Variants in PCDHA3 observed in about 807,000 individuals in gnomAD.
PCDHA3 encodes protocadherin alpha 3, also known as protocadherin alpha-3.
In PCDHA3, 41 loss-of-function variants were observed where a neutral mutation model predicts 62.2. The observed-to-expected ratio is 0.66, with a 90% CI of 0.51 to 0.86. The LOEUF is 0.86. PCDHA3 is among the 40% of genes least tolerant of loss of function. The pLI is 0.00. For missense variants in PCDHA3, 1,304 were observed against 1,241.2 expected, an observed-to-expected ratio of 1.05 and a Z score of -0.76; for synonymous variants, 640 against 555.4, an observed-to-expected ratio of 1.15 and a Z score of -2.14.
intron 1 of PCDHA3, among the ~76,000 whole-genome samples, chr5:140,925,071 C>T (rs1554202476): frequency 6.8e-6 from 1 of 148,058 alleles, no homozygotes; most frequent in Non-Finnish European, 1.5e-5. Context: ...CAAAGCAACA[C>T]GCTCATCTGG....
chr5:140,902,044 A>AT (rs1222362795), intron 1 of PCDHA3, among the ~76,000 whole-genome samples: 6 of 152,016 alleles, frequency 3.9e-5, no homozygotes, highest in Non-Finnish European at 5.9e-5. Flanking sequence ...TTGTATGTTG[A>AT]TTTTGTATCC....
chr5:140,809,107 G>C (rs1333130927), intron 1 of PCDHA3: 1 of 1,613,952 alleles, frequency 6.2e-7, no homozygotes, highest in Non-Finnish European at 8.5e-7. Context: ...TGGACGAAAC[G>C]GACGCTCCGC....
chr5:140,896,540 T>C (rs1372765271), intron 1 of PCDHA3, among the ~76,000 whole-genome samples: 1 of 151,560 alleles, frequency 6.6e-6, no homozygotes, highest in Non-Finnish European at 1.5e-5. Flanking sequence ...ATTTTTCTTT[T>C]TTTTTTTTGT....
intron 1 of PCDHA3, among the ~76,000 whole-genome samples, chr5:140,895,640 T>G (rs1554186577): frequency 6.6e-6 from 1 of 152,220 alleles, no homozygotes; most frequent in Non-Finnish European, 1.5e-5. Flanking sequence ...ACATTCTTTT[T>G]TAGCTCCCAC....
chr5:140,967,487 G>C, intron 1 of PCDHA3: 8 of 1,613,290 alleles, frequency 5.0e-6, no homozygotes, highest in Non-Finnish European at 6.8e-6. Context: ...CTCGGGTACG[G>C]CACAGATCTC....
rs1763138545 is a variant in PCDHA3 at position 140,803,181 on chromosome 5, ACGGCCACTGTG to A, written c.1986_1996del (p.Ala663GlyfsTer107). ...CCACGGTGAACCCTCATTGACCGCCACGGCCACTGTGCTGGTGTCGCTGGTGGAGAGTGGCC... is the reference window on the plus strand; with the variant it reads ...CCACGGTGAACCCTCATTGACCGCCACTGGTGTCGCTGGTGGAGAGTGGCC... On this transcript the variant is annotated frameshift_variant, in exon 1 of 4. Coordinates refer to ENST00000522353, the MANE Select transcript of PCDHA3 (RefSeq NM_018906.3). LOFTEE classifies it high-confidence loss of function. 6.2e-7 allele frequency: 1 copy of A among 1,613,782 alleles called. No homozygotes were observed. The highest frequency in any genetic ancestry group is 1.3e-5 in the African/African-American group (1 of 74,936).
chr5:140,849,155 C>G (rs1169680334), intron 1 of PCDHA3: 5 of 1,223,436 alleles, frequency 4.1e-6, no homozygotes, highest in Non-Finnish European at 4.5e-6. Context: ...GAGGCAAACC[C>G]GAGCTGACTG....
rs2098423382 is a variant in PCDHA3, at chr5:141,012,241, T to C, written c.*2304T>C. On this transcript the variant is annotated 3_prime_UTR_variant, in exon 4 of 4. Coordinates refer to ENST00000522353, the MANE Select transcript of PCDHA3 (RefSeq NM_018906.3). ...GTGCTTTCCAATCCATGTTAGTTAC[T>C]AGTTATTACAGCTGTAAGGATAAAA... 6.5e-6 allele frequency: 1 copy of C among 153,802 alleles called. No homozygotes were observed. The highest frequency in any genetic ancestry group is 6.5e-5 in the Admixed American group (1 of 15,284). The allele number at this position is 153,802 out of a possible 1,614,324, so 9.5% of individuals were successfully genotyped here.
At chr5:140,901,311 C>T (rs1242541248) in intron 1 of PCDHA3, among the ~76,000 whole-genome samples, 3 of 152,052 alleles carry the variant, frequency 2.0e-5, no homozygotes, top group Non-Finnish European at 4.4e-5. Context: ...GGAGAGTTTC[C>T]CCAATGTTTT....
At chr5:140,987,275 CTA>C (rs1554249023) in intron 3 of PCDHA3, among the ~76,000 whole-genome samples, 1 of 151,726 alleles carries the variant, frequency 6.6e-6, no homozygotes, top group Non-Finnish European at 1.5e-5. Context: ...ACCCGGCAGT[CTA>C]TGTTTTAACA....
chr5:140,860,055 A>G (rs1466399941), intron 1 of PCDHA3: 6 of 151,228 alleles, frequency 4.0e-5, no homozygotes, highest in African/African-American at 1.2e-4. Context: ...TTGAGAGGCC[A>G]AGGTGGGAGG....
intron 1 of PCDHA3, chr5:140,966,770 G>C: frequency 2.0e-6 from 3 of 1,500,088 alleles, no homozygotes; most frequent in Non-Finnish European, 2.7e-6. Flanking sequence ...AGTGGCTATG[G>C]AGCAGGCGGG....
intron 1 of PCDHA3, chr5:140,871,406 T>C (rs1406444669): frequency 1.2e-6 from 2 of 1,614,032 alleles, no homozygotes; most frequent in Non-Finnish European, 1.7e-6. Flanking sequence ...AAGACGGACC[T>C]CATGGCCTTC....
At chr5:140,871,376 G>C in intron 1 of PCDHA3, 1 of 1,614,196 alleles carries the variant, frequency 6.2e-7, no homozygotes, top group Non-Finnish European at 8.5e-7. Flanking sequence ...CAGAGGGTGT[G>C]CTCTGAGGAG....
At position 140,869,199 on chromosome 5, in the gene PCDHA3, C is replaced by G. The variant is rs1315511579; in HGVS notation, c.2394+65608C>G. 8 of 1,613,906 alleles carry G rather than the reference C, an allele frequency of 5.0e-6. No individual in the cohort carries two copies. In the African/African-American group the frequency reaches 1.1e-4, roughly 22 times the overall value. On this transcript the variant is annotated intron_variant, in intron 1 of 3. Coordinates refer to ENST00000522353, the MANE Select transcript of PCDHA3 (RefSeq NM_018906.3). The stretch of plus-strand genomic sequence containing the variant: ...GGGAGGTGGGGAGCGGCCAGCTCCA[C>G]TACTCCGTCTCGGAGGAGGCCAAAC...
chr5:140,852,802 T>G (rs2042479585), intron 1 of PCDHA3: 1 of 976,830 alleles, frequency 1.0e-6, no homozygotes, highest in Admixed American at 6.3e-5. Context: ...CAGATGTCAT[T>G]TGTCTCCCGC....
intron 3 of PCDHA3, among the ~76,000 whole-genome samples, chr5:140,997,754 G>A (rs1450156263): frequency 6.6e-6 from 1 of 151,922 alleles, no homozygotes; most frequent in Non-Finnish European, 1.5e-5. Context: ...ATCTTCTTGA[G>A]TAAGGATATA....
intron 1 of PCDHA3, among the ~76,000 whole-genome samples, chr5:140,947,885 A>G (rs2094188913): frequency 6.6e-6 from 1 of 151,584 alleles, no homozygotes; most frequent in Non-Finnish European, 1.5e-5. Context: ...AGGACAATAT[A>G]AACAGAAGTG....
chr5:140,802,646 C>A lies in PCDHA3; in HGVS notation c.1449C>A (p.Asp483Glu), dbSNP rs1230044523. 1 of 1,613,710 alleles carries A rather than the reference C, an allele frequency of 6.2e-7. No homozygotes were observed. Among genetic ancestry groups the A allele is most frequent in the South Asian group, 1.1e-5 (1 of 91,062 alleles). The change falls in exon 1 of 4, where the codon GAC becomes GAA. Residue 483 changes from aspartate (D) to glutamate (E), a missense_variant. Coordinates refer to ENST00000522353, the MANE Select transcript of PCDHA3 (RefSeq NM_018906.3). ...HIFTVSARDA[D>E]AQENALVSYS... ...TCACGGTGTCTGCGCGGGACGCGGA[C>A]GCGCAGGAGAACGCCCTGGTGTCCT...
Sources: allele counts gnomAD v4.1 joint callset (sites outside exome capture counted in the v4.1 genomes callset), GRCh38; gene constraint gnomAD v4.1.1; transcripts MANE v1.5; gene names NCBI Gene and HGNC (gene_info 2026-07-23, HGNC 2026-07-21).